The following AIFM3 variants were observed in gnomAD, a reference collection of about 807,000 sequenced individuals.
The protein encoded by AIFM3 is AIF family member 3.
AIFM3 carries 71 observed loss-of-function variants against 82.7 expected under a neutral mutation model. The observed-to-expected ratio is 0.86, with a 90% CI of 0.71 to 1.05. The LOEUF (loss-of-function observed/expected upper bound fraction) is 1.05, where lower values mean the gene tolerates loss of function less well. Among genes scored for constraint, AIFM3 ranks in the 50% least tolerant of loss-of-function variants. AIFM3 has a pLI of 0.00. For synonymous variants in AIFM3, 337 were observed against 329.1 expected, an observed-to-expected ratio of 1.02 and a Z score of -0.26; for missense variants, 748 against 816.7, an observed-to-expected ratio of 0.92 and a Z score of 1.03.
rs759511916 is a variant in AIFM3 at position 20,974,541 on chromosome 22, G to T, written c.527G>T (p.Arg176Leu). 1 of 1,612,860 alleles carries T rather than the reference G, an allele frequency of 6.2e-7. No homozygotes were observed. The highest frequency in any genetic ancestry group is 1.7e-5 in the Admixed American group (1 of 59,752). Reference protein sequence around the residue: ...RASKQALQLQRRTKVMAKCIS... With the variant: ...RASKQALQLQLRTKVMAKCIS... ...CACCCACAGGCCCTACAGCTGCAGC[G>T]AAGGACCAAGGTGATGGCCAAGTGT... The change falls in exon 7 of 21, where the codon CGA becomes CTA. Residue 176 changes from arginine to leucine, a missense_variant. Physicochemically the swap from Arg to Leu is moderately radical, Grantham distance 102. This residue lies in a region of AIFM3 where 393 missense variants were observed against 481.1 expected (regional missense o/e 0.82). Transcript: ENST00000440238.
intron 4 of AIFM3, 83 bp from the exon 5 acceptor site, chr22:20,973,980 A>C (rs1446693268): frequency 4.0e-6 from 6 of 1,494,926 alleles, no homozygotes; most frequent in Admixed American, 2.0e-5. Context: ...GGCTGTGGGG[A>C]GGGGCCCGCA....
chr22:20,981,058 C>A lies in AIFM3; in HGVS notation c.*27C>A. ...CTCACATGCAGTAGACTTGGGCAGG[C>A]AAAGGGGGCACCAAGGGCACAGGCC... On this transcript the variant is annotated 3_prime_UTR_variant, in exon 21 of 21. Coordinates refer to ENST00000440238, the MANE Select transcript of AIFM3 (RefSeq NM_001386814.1). 6.2e-7 allele frequency: 1 copy of A among 1,613,932 alleles called. No individual in the cohort carries two copies. Among genetic ancestry groups the A allele is most frequent in the Non-Finnish European group, 8.5e-7 (1 of 1,179,870 alleles).
At chr22:20,970,680 C>T (rs1027583193) in intron 2 of AIFM3, among the ~76,000 whole-genome samples, 2 of 152,092 alleles carry the variant, frequency 1.3e-5, no homozygotes, top group Non-Finnish European at 1.5e-5. Flanking sequence ...AGGCTGGTCT[C>T]GAACTCCTGA....
intron 2 of AIFM3, among the ~76,000 whole-genome samples, chr22:20,970,209 GCTT>G (rs1341166874): frequency 6.6e-6 from 1 of 152,190 alleles, no homozygotes; most frequent in Non-Finnish European, 1.5e-5. Context: ...CATCTATTGA[GCTT>G]CTACTCTGGG....
chr22:20,967,978 A>G lies in AIFM3; in HGVS notation c.31+3A>G. The stretch of plus-strand genomic sequence containing the variant: ...CTGCTTCTCCAAACCCAAACCAGGT[A>G]CCTCCTGTCTTCTTGTCTCCATCCT... On this transcript the variant is annotated splice_donor_region_variant and intron_variant, in intron 2 of 20. Coordinates refer to ENST00000440238, the MANE Select transcript of AIFM3 (RefSeq NM_001386814.1). The G allele has an allele frequency of 6.2e-7, 1 of 1,613,584 alleles. No homozygotes were observed. The highest frequency in any genetic ancestry group is 8.5e-7 in the Non-Finnish European group (1 of 1,179,800).
intron 2 of AIFM3, among the ~76,000 whole-genome samples, chr22:20,969,139 G>C (rs747134888): frequency 2.6e-5 from 4 of 152,194 alleles, no homozygotes; most frequent in African/African-American, 9.6e-5. Flanking sequence ...CATACCAGGC[G>C]TCTGTGGCAC....
chr22:20,976,869 GT>G lies in AIFM3; in HGVS notation c.1152del (p.Phe384LeufsTer6). On this transcript the variant is annotated frameshift_variant, in exon 13 of 21. Transcript: ENST00000440238. LOFTEE classifies it high-confidence loss of function. ...CACCTGCCCACTTGCCCTGACAGAT[GT>G]TTGAGAACAACCGGGTGAAGTTCTA... The part of the protein sequence containing the change: ...ERVGRALMKM[F>X]ENNRVKFYMQ... 4 of 1,600,906 alleles carry G rather than the reference GT, an allele frequency of 2.5e-6. No individual in the cohort carries two copies. Among genetic ancestry groups the G allele is most frequent in the Non-Finnish European group, 3.4e-6 (4 of 1,171,872 alleles).
At position 20,979,344 on chromosome 22, in the gene AIFM3, G is replaced by A. The variant is rs1370894942; in HGVS notation, c.1551G>A (p.Met517Ile). ...CTGTGCCCTACCTCTGGACCGCCAT[G>A]TTTGGCAAGAGCCTGCGCTACGCGG... ...MSTVPYLWTA[M>I]FGKSLRYAGY... The change falls in exon 17 of 21, where the codon ATG (methionine) becomes ATA (isoleucine). Residue 517 changes from methionine to isoleucine, a missense_variant. Around this residue, in one of 5 missense-constraint regions of AIFM3, gnomAD observed 183 missense variants for 158.2 expected, o/e 1.16. Coordinates refer to ENST00000440238, the MANE Select transcript of AIFM3 (RefSeq NM_001386814.1). 10 of 1,514,374 alleles carry A rather than the reference G, an allele frequency of 6.6e-6. No individual in the cohort carries two copies. The highest frequency in any genetic ancestry group is 1.4e-5 in the African/African-American group (1 of 71,522). 93.8% of individuals were successfully genotyped at this position (1,514,374 alleles called of 1,614,324 possible). A position where few individuals can be genotyped will look rare whatever the true frequency, so the allele number is the denominator to read the frequency against.
At position 20,977,071 on chromosome 22, in the gene AIFM3, G is replaced by A. The variant is rs1923733215; in HGVS notation, c.1258G>A (p.Ala420Thr). 1.2e-6 allele frequency: 2 copies of A among 1,614,068 alleles called. No individual in the cohort carries two copies. ...VVLKSSKVVR[A>T]DVCVVGIGAV... ...GCTGAAGAGCAGCAAGGTCGTGCGG[G>A]CTGACGTCTGCGTGGTGGGCATTGG... Residue 420 changes from alanine to threonine, a missense_variant, in exon 14 of 21, where the codon GCT becomes ACT. Ala to Thr is a moderately conservative substitution (Grantham distance 58). This residue lies in a region of AIFM3 where 393 missense variants were observed against 481.1 expected (regional missense o/e 0.82). Transcript: ENST00000440238.
chr22:20,980,153 T>A, intron 19 of AIFM3, 29 bp downstream of exon 19: 1 of 1,595,978 alleles, frequency 6.3e-7, no homozygotes. Context: ...AGCCTGGGGG[T>A]GGGAGTAGTT....
At position 20,970,517 on chromosome 22, in the gene AIFM3, A is replaced by G. The variant is rs947014008; in HGVS notation, c.31+2542A>G. Among the ~76,000 whole-genome samples, 5 of 152,038 alleles carry G rather than the reference A, an allele frequency of 3.3e-5. No homozygotes were observed. In the East Asian group the frequency reaches 5.8e-4, roughly 18 times the overall value. The stretch of plus-strand genomic sequence containing the variant: ...ACTCCCTCACCCAGGCTGGAGTGCA[A>G]TGGCTTGATCTTGGCTCACTGCAAC... On this transcript the variant is annotated intron_variant, in intron 2 of 20. Transcript: ENST00000440238.
chr22:20,980,208 A>G (rs1924006202), intron 19 of AIFM3, 84 bp downstream of exon 19: 4 of 1,282,358 alleles, frequency 3.1e-6, no homozygotes, highest in Non-Finnish European at 4.3e-6. Context: ...AGCCGCCCCC[A>G]CAACCCTCCA....
intron 16 of AIFM3, among the ~76,000 whole-genome samples, chr22:20,978,806 A>C (rs1923862310): frequency 6.6e-6 from 1 of 152,078 alleles, no homozygotes; most frequent in African/African-American, 2.4e-5. Context: ...GGGGACTTTG[A>C]AGTACATCCA....
At chr22:20,965,174 G>C (rs1922792636), upstream of AIFM3, 1 of 141,752 alleles carries the variant, frequency 7.1e-6, no homozygotes, top group Non-Finnish European at 1.5e-5. Context: ...GCGGCCCCAA[G>C]CGGTTCCCGA....
chr22:20,972,708 G>A (rs1469318631), intron 2 of AIFM3, among the ~76,000 whole-genome samples: 1 of 152,120 alleles, frequency 6.6e-6, no homozygotes, highest in Non-Finnish European at 1.5e-5. Flanking sequence ...AGAACTGCAG[G>A]GTCGAAGGAA....
chr22:20,976,489 G>C lies in AIFM3; in HGVS notation c.981G>C (p.Val327=), dbSNP rs149430218. ...IRTPEDANRV[V]RLARGRNVVV... ...CGCCAGAGGATGCCAATCGCGTGGT[G>C]AGGCTGGCCCGAGGCCGCAACGTGG... Residue 327 remains valine, a synonymous_variant, in exon 11 of 21, where the codon GTG becomes GTC. Transcript: ENST00000440238. 6.2e-7 allele frequency: 1 copy of C among 1,613,998 alleles called. No individual in the cohort carries two copies. The highest frequency in any genetic ancestry group is 1.3e-5 in the African/African-American group (1 of 75,058).
chr22:20,979,182 C>A, intron 16 of AIFM3, 89 bp from the exon 17 acceptor site: 2 of 1,311,030 alleles, frequency 1.5e-6, no homozygotes, highest in East Asian at 2.5e-5. Flanking sequence ...AGTAGCCACA[C>A]GTGTCAGGGG....
At chr22:20,980,681 G>A (rs1924046212) in intron 19 of AIFM3, 66 bp from the exon 20 acceptor site, 2 of 1,606,824 alleles carry the variant, frequency 1.2e-6, no homozygotes, top group African/African-American at 1.3e-5. Flanking sequence ...GACCAGAAGG[G>A]GACATGATAA....
intron 2 of AIFM3, among the ~76,000 whole-genome samples, chr22:20,969,515 C>G (rs1057390979): frequency 6.6e-6 from 1 of 152,022 alleles, no homozygotes; most frequent in Non-Finnish European, 1.5e-5. Flanking sequence ...CTGCAAGCTC[C>G]GCCTCCCAGG....
Sources: allele counts gnomAD v4.1 joint callset (sites outside exome capture counted in the v4.1 genomes callset), GRCh38; gene constraint gnomAD v4.1.1; regional missense constraint gnomAD v4.1.1; transcripts MANE v1.5; gene names NCBI Gene and HGNC (gene_info 2026-07-23, HGNC 2026-07-21).